Variants in SMCHD1 observed in about 807,000 individuals in gnomAD.
SMCHD1 encodes the protein structural maintenance of chromosomes flexible hinge domain containing 1.
In SMCHD1, 78 loss-of-function variants were observed where a neutral mutation model predicts 254.7. The ratio of observed to expected loss-of-function variants is 0.31; its 90% CI spans 0.26 to 0.37. SMCHD1 has a LOEUF of 0.37. SMCHD1 is among the 10% of genes least tolerant of loss of function. The pLI, the probability that SMCHD1 is intolerant of heterozygous loss-of-function variation, is 1.00. For missense variants in SMCHD1, 1,840 were observed against 2,408.1 expected, an observed-to-expected ratio of 0.76 and a Z score of 4.94; for synonymous variants, 766 against 794.9, an observed-to-expected ratio of 0.96 and a Z score of 0.61.
chr18:2,802,290 ATTAC>A (rs2076377850), intron 47 of SMCHD1, among the ~76,000 whole-genome samples: 1 of 152,288 alleles, frequency 6.6e-6, no homozygotes, highest in African/African-American at 2.4e-5. Flanking sequence ...TGTGATACAA[ATTAC>A]TTATATATGT....
At chr18:2,690,895 T>C (rs1146055) in intron 7 of SMCHD1, among the ~76,000 whole-genome samples, 123,369 of 149,036 alleles carry the variant, frequency 0.83, 54,259 homozygotes, top group East Asian at 1. Flanking sequence ...ACATTTCTGA[T>C]CATTTATTTT....
At chr18:2,708,867 CATATATATATAT>C (rs763226355) in intron 17 of SMCHD1, among the ~76,000 whole-genome samples, 28 of 8,296 alleles carry the variant, frequency 3.4e-3, no homozygotes, top group South Asian at 0.016. Context: ...TCAATAACTT[CATATATATATAT>C]ATATATATAT....
chr18:2,778,311 T>C, intron 44 of SMCHD1, 72 bp downstream of exon 44: 1 of 1,074,194 alleles, frequency 9.3e-7, no homozygotes, highest in Non-Finnish European at 1.4e-6. Context: ...TGATGATACA[T>C]ATACAAACGA....
intron 25 of SMCHD1, among the ~76,000 whole-genome samples, chr18:2,736,518 T>C (rs1158513861): frequency 3.3e-5 from 5 of 152,012 alleles, no homozygotes; most frequent in African/African-American, 1.2e-4. Context: ...TCTAAAAAGG[T>C]CTAATAACCA....
At chr18:2,750,639 C>G (rs144355048) in intron 32 of SMCHD1, 132 bp downstream of exon 32, 2 of 666,808 alleles carry the variant, frequency 3.0e-6, no homozygotes, top group Admixed American at 7.1e-5. Flanking sequence ...ATTTCAATAT[C>G]ATGTTGCAGA....
intron 41 of SMCHD1, among the ~76,000 whole-genome samples, chr18:2,775,028 C>T (rs970369077): frequency 3.3e-5 from 5 of 149,760 alleles, no homozygotes; most frequent in East Asian, 2.0e-4. Context: ...TTATTCTAAG[C>T]TCCAAAGCAT....
intron 23 of SMCHD1, chr18:2,728,804 T>C: frequency 2.1e-6 from 1 of 470,720 alleles, no homozygotes; most frequent in Non-Finnish European, 3.6e-6. Flanking sequence ...TTTCATAAAT[T>C]TGTGAATAAA....
At chr18:2,716,139 G>T (rs1218923920) in intron 17 of SMCHD1, among the ~76,000 whole-genome samples, 1 of 152,140 alleles carries the variant, frequency 6.6e-6, no homozygotes, top group Non-Finnish European at 1.5e-5. Flanking sequence ...GGTGTATTCA[G>T]TGACATAGAT....
intron 29 of SMCHD1, among the ~76,000 whole-genome samples, chr18:2,746,497 A>G (rs1304555228): frequency 6.6e-6 from 1 of 152,238 alleles, no homozygotes; most frequent in African/African-American, 2.4e-5. Flanking sequence ...CAAGCTTTTT[A>G]TAAACTTTGG....
intron 1 of SMCHD1, among the ~76,000 whole-genome samples, chr18:2,662,350 A>G (rs1377690908): frequency 6.6e-6 from 1 of 151,996 alleles, no homozygotes; most frequent in African/African-American, 2.4e-5. Flanking sequence ...ACATGATTTA[A>G]CAAGTGGGAC....
intron 5 of SMCHD1, among the ~76,000 whole-genome samples, chr18:2,682,107 G>C (rs946779975): frequency 1.3e-5 from 2 of 151,978 alleles, no homozygotes; most frequent in African/African-American, 4.8e-5. Flanking sequence ...ATTTATTCTA[G>C]AGGCTCTGAT....
chr18:2,783,494 C>A (rs1405725592), intron 44 of SMCHD1, among the ~76,000 whole-genome samples: 2 of 152,048 alleles, frequency 1.3e-5, no homozygotes, highest in African/African-American at 4.8e-5. Context: ...ATTTTCTGAA[C>A]CTTTTTTGCA....
intron 47 of SMCHD1, among the ~76,000 whole-genome samples, chr18:2,799,530 A>G (rs1420020668): frequency 7.9e-5 from 12 of 152,070 alleles, no homozygotes; most frequent in Non-Finnish European, 1.3e-4. Flanking sequence ...TATTATGACT[A>G]TGTAAATATT....
chr18:2,763,871 T>C, intron 37 of SMCHD1, 82 bp downstream of exon 37: 1 of 1,282,842 alleles, frequency 7.8e-7, no homozygotes, highest in Non-Finnish European at 1.1e-6. Flanking sequence ...TTTTCTTTTG[T>C]ATAGCTATGA....
intron 7 of SMCHD1, among the ~76,000 whole-genome samples, chr18:2,690,646 C>CT (rs71365194): frequency 0.07 from 9,414 of 133,594 alleles, 509 homozygotes; most frequent in East Asian, 0.31. Context: ...TAATTTTTTT[C>CT]TTTTTTTTTT....
At chr18:2,802,425 A>T in intron 47 of SMCHD1, 103 bp from the exon 48 acceptor site, 1 of 803,564 alleles carries the variant, frequency 1.2e-6, no homozygotes. Context: ...TATTTAAAAG[A>T]ATATGGTTTC....
intron 30 of SMCHD1, among the ~76,000 whole-genome samples, chr18:2,748,342 T>C (rs796466456): frequency 7.7e-5 from 6 of 78,430 alleles, no homozygotes; most frequent in Admixed American, 2.9e-4. Flanking sequence ...CTTTGCAAAG[T>C]TGTGTGTGTG....
chr18:2,697,927 A>G lies in SMCHD1; in HGVS notation c.1228A>G (p.Ser410Gly), dbSNP rs1445939190. 1 of 1,613,652 alleles carries G rather than the reference A, an allele frequency of 6.2e-7. No individual in the cohort carries two copies. Among genetic ancestry groups the G allele is most frequent in the Admixed American group, 1.7e-5 (1 of 60,034 alleles). Residue 410 changes from serine to glycine, a missense_variant, in exon 10 of 48, where the codon AGT becomes GGT. Transcript: ENST00000320876. ...QTLYVNTAAD[S>G]FEFKAHVEGD... ...GTTGTATGTAAACACAGCAGCTGAT[A>G]GTTTTGAATTCAAAGCTCATGTTGA...
At chr18:2,661,544 GTGGGTTTTTAATATGGATTAAACATC>G (rs755479750) in intron 1 of SMCHD1, among the ~76,000 whole-genome samples, 2,108 of 148,876 alleles carry the variant, frequency 0.014, 71 homozygotes, top group African/African-American at 0.05. Flanking sequence ...TTAAACATCT[GTGGGTTTTTAATATGGATTAAACATC>G]TGGGTTTTTA....
Sources: gnomAD v4.1 joint callset for allele counts (sites outside exome capture counted in the v4.1 genomes callset) on GRCh38, gnomAD v4.1.1 for gene constraint, MANE v1.5 for transcripts, NCBI Gene and HGNC (gene_info 2026-07-23, HGNC 2026-07-21) for gene names.